TULP3: variants seen among roughly 807,000 people sequenced by gnomAD.
The protein encoded by TULP3 is TUB like protein 3.
Under a neutral mutation model 50.7 loss-of-function variants are expected in TULP3, and 38 were observed. That is an observed-to-expected ratio of 0.75 (90% confidence interval 0.58 to 0.98). The LOEUF is 0.98. Among genes scored for constraint, TULP3 ranks in the 50% least tolerant of loss-of-function variants. The probability of loss-of-function intolerance (pLI) is 0.00; values close to 1 mark genes in which losing one functional copy is unlikely to be tolerated. For missense variants in TULP3, 550 were observed against 568.0 expected (o/e 0.97, Z 0.32); for synonymous variants, 183 against 196.6 (o/e 0.93, Z 0.58).
At chr12:2,896,585 C>T (rs1324033828) in intron 1 of TULP3, among the ~76,000 whole-genome samples, 2 of 152,128 alleles carry the variant, frequency 1.3e-5, no homozygotes, top group African/African-American at 4.8e-5. Flanking sequence ...TTTAAAATTG[C>T]TTTCCTGTGA....
intron 2 of TULP3, among the ~76,000 whole-genome samples, chr12:2,913,314 C>T (rs1322600575): frequency 6.6e-6 from 1 of 151,542 alleles, no homozygotes; most frequent in African/African-American, 2.4e-5. Flanking sequence ...GTGATACGGT[C>T]ATAGCTCACT....
At position 2,940,321 on chromosome 12, in the gene TULP3, TAAAA is replaced by T. The variant is rs371211844; in HGVS notation, c.*891_*894del. The T allele has an allele frequency of 2.0e-3, 2,705 of 1,319,962 alleles. No individual in the cohort carries two copies. Among genetic ancestry groups the T allele is most frequent in the East Asian group, 5.5e-3 (167 of 30,596 alleles). 81.8% of individuals were successfully genotyped at this position (1,319,962 alleles called of 1,614,324 possible). A position where few individuals can be genotyped will look rare whatever the true frequency, so the allele number is the denominator to read the frequency against. ...GGCAGTATTGACCATTTAGTTTAGT[TAAAA>T]AAAAAAAAAAAAAGGTGGCAGGAGA... On this transcript the variant is annotated 3_prime_UTR_variant, in exon 11 of 11. Coordinates refer to ENST00000448120, the MANE Select transcript of TULP3 (RefSeq NM_003324.5).
At chr12:2,920,385 T>G (rs1459038231) in intron 2 of TULP3, among the ~76,000 whole-genome samples, 2 of 152,036 alleles carry the variant, frequency 1.3e-5, no homozygotes, top group Admixed American at 6.6e-5. Context: ...AGCACACACC[T>G]GTAGTCCCAG....
At position 2,930,770 on chromosome 12, in the gene TULP3, C is replaced by T. The variant is rs903417516; in HGVS notation, c.493-267C>T. On this transcript the variant is annotated intron_variant, in intron 5 of 10. Transcript: ENST00000448120. ...AAATACCATTACTGAGTGAGGGTTCCTTCAGAAGTGTAAGCTCAAATTTAG... is the reference window on the plus strand; with the variant it reads ...AAATACCATTACTGAGTGAGGGTTCTTTCAGAAGTGTAAGCTCAAATTTAG... 6 of 548,574 alleles carry T rather than the reference C, an allele frequency of 1.1e-5. No homozygotes were observed. The African/African-American group carries it at 1.1e-4, about 10-fold the overall frequency. 34.0% of individuals were successfully genotyped at this position (548,574 alleles called of 1,614,324 possible). A position where few individuals can be genotyped will look rare whatever the true frequency, so the allele number is the denominator to read the frequency against.
rs747838051 is a variant in TULP3 at position 2,920,757 on chromosome 12, T to G, written c.94-6T>G. 6.2e-7 allele frequency: 1 copy of G among 1,613,814 alleles called. No individual in the cohort carries two copies. The highest frequency in any genetic ancestry group is 1.1e-5 in the South Asian group (1 of 91,072). ...CTTGCTGGCTGTCATATCGCTTTTT[T>G]CCCAGAGGCTACTACTTGAGAAGAG... On this transcript the variant is annotated splice_region_variant and splice_polypyrimidine_tract_variant and intron_variant, in intron 2 of 10. Transcript: ENST00000448120.
At chr12:2,937,869 A>G in intron 9 of TULP3, 140 bp downstream of exon 9, 1 of 878,688 alleles carries the variant, frequency 1.1e-6, no homozygotes, top group Non-Finnish European at 1.7e-6. Flanking sequence ...TCTTTAGGAA[A>G]GCTGCCCCTC....
intron 4 of TULP3, among the ~76,000 whole-genome samples, chr12:2,924,620 G>A (rs904127046): frequency 2.0e-5 from 3 of 151,804 alleles, no homozygotes; most frequent in Non-Finnish European, 4.4e-5. Context: ...TATTGAGGAT[G>A]CAGTGAGCTA....
At chr12:2,900,869 C>T (rs867741900) in intron 1 of TULP3, among the ~76,000 whole-genome samples, 5 of 143,304 alleles carry the variant, frequency 3.5e-5, no homozygotes, top group Middle Eastern at 3.6e-3. Flanking sequence ...GCAACCAAGC[C>T]GAAATACTTT....
chr12:2,917,286 A>G (rs1197295565), intron 2 of TULP3, among the ~76,000 whole-genome samples: 2 of 152,186 alleles, frequency 1.3e-5, no homozygotes, highest in African/African-American at 4.8e-5. Context: ...AGCCTGGTCA[A>G]CATGGTGAAA....
At chr12:2,934,991 T>A (rs983409515) in intron 8 of TULP3, among the ~76,000 whole-genome samples, 3 of 152,154 alleles carry the variant, frequency 2.0e-5, no homozygotes, top group Non-Finnish European at 4.4e-5. Context: ...ATTATTTGTT[T>A]TATTGTCCTT....
chr12:2,922,855 A>ATTTTTT lies in TULP3; in HGVS notation c.394+464_394+469dup, dbSNP rs373807687. Among the ~76,000 whole-genome samples the ATTTTTT allele has an allele frequency of 4.2e-3, 575 of 136,770 alleles. 6 individuals carry two copies. Among genetic ancestry groups the ATTTTTT allele is most frequent in the African/African-American group, 0.014 (514 of 36,178 alleles). The allele number at this position is 136,770 out of a possible 152,430, so 89.7% of individuals were successfully genotyped here. A position where few individuals can be genotyped will look rare whatever the true frequency, so the allele number is the denominator to read the frequency against. ...GTCTTCTTTCCTTTTTAGAAAAATA[A>ATTTTTT]TTTTTTTTTTTTTTTTGAGACAAAG... On this transcript the variant is annotated intron_variant, in intron 4 of 10. Coordinates refer to ENST00000448120, the MANE Select transcript of TULP3 (RefSeq NM_003324.5).
intron 4 of TULP3, among the ~76,000 whole-genome samples, chr12:2,928,488 C>T (rs1050466321): frequency 3.3e-5 from 5 of 151,990 alleles, no homozygotes; most frequent in African/African-American, 1.2e-4. Context: ...CCAGATTGCA[C>T]CATTGCACTC....
chr12:2,915,404 C>G (rs1257269758), intron 2 of TULP3, among the ~76,000 whole-genome samples: 1 of 152,114 alleles, frequency 6.6e-6, no homozygotes, highest in Non-Finnish European at 1.5e-5. Context: ...TTCCTTTGAG[C>G]CAAGTTGCTC....
chr12:2,905,054 C>T (rs1463357839), intron 1 of TULP3, among the ~76,000 whole-genome samples: 2 of 141,894 alleles, frequency 1.4e-5, no homozygotes, highest in Non-Finnish European at 3.0e-5. Flanking sequence ...CACTGCACTC[C>T]AGCCTGGACG....
At chr12:2,928,479 CA>C (rs2098195923) in intron 4 of TULP3, among the ~76,000 whole-genome samples, 2 of 151,534 alleles carry the variant, frequency 1.3e-5, no homozygotes, top group African/African-American at 4.8e-5. Context: ...GCGGTGAGCC[CA>C]GATTGCACCA....
At chr12:2,910,825 T>TA (rs1213877873) in intron 2 of TULP3, among the ~76,000 whole-genome samples, 1 of 152,214 alleles carries the variant, frequency 6.6e-6, no homozygotes, top group Non-Finnish European at 1.5e-5. Flanking sequence ...CATACACACT[T>TA]ATCCCTCTGC....
intron 1 of TULP3, among the ~76,000 whole-genome samples, chr12:2,903,459 G>C (rs1297689881): frequency 6.6e-6 from 1 of 151,598 alleles, no homozygotes; most frequent in Admixed American, 6.6e-5. Context: ...CTACTTGGGA[G>C]GCTGAGGCAG....
intron 4 of TULP3, among the ~76,000 whole-genome samples, chr12:2,924,542 G>A (rs891468744): frequency 2.8e-4 from 43 of 152,082 alleles, no homozygotes; most frequent in Non-Finnish European, 2.1e-4. Flanking sequence ...TTAGCTGGGT[G>A]TGGTGGTACA....
chr12:2,893,706 G>A (rs982703136), intron 1 of TULP3, among the ~76,000 whole-genome samples: 3 of 126,232 alleles, frequency 2.4e-5, no homozygotes, highest in African/African-American at 1.0e-4. Flanking sequence ...CCAACTTTTA[G>A]GTTTTCTGTG....
Sources: gnomAD v4.1 joint callset for allele counts (sites outside exome capture counted in the v4.1 genomes callset) on GRCh38, gnomAD v4.1.1 for gene constraint, MANE v1.5 for transcripts, NCBI Gene and HGNC (gene_info 2026-07-23, HGNC 2026-07-21) for gene names.